The following PTPRN2 variants were observed in gnomAD, a reference collection of about 807,000 sequenced individuals.
PTPRN2 encodes the protein protein tyrosine phosphatase receptor type N2, also known as receptor-type tyrosine-protein phosphatase N2.
In PTPRN2, 74 loss-of-function variants were observed where a neutral mutation model predicts 118.8. The ratio of observed to expected loss-of-function variants is 0.62; its 90% confidence interval spans 0.52 to 0.76. The LOEUF is 0.76. Among genes scored for constraint, PTPRN2 ranks in the 30% least tolerant of loss-of-function variants. The pLI, the probability that PTPRN2 is intolerant of heterozygous loss-of-function variation, is 0.00. For missense variants in PTPRN2, 1,481 were observed against 1,394.4 expected (o/e 1.06, Z -0.99); for synonymous variants, 641 against 608.0 (o/e 1.05, Z -0.80).
Position 157,763,179 on chromosome 7 carries a change from C to A in PTPRN2, c.1789-80242G>T, listed in dbSNP as rs1240509469. ...GCCCATGGCTGCCCACTCACAGGCACAGAGTCCATCCCAGGCCACAGTGGG... is the reference window on the plus strand; with the variant it reads ...GCCCATGGCTGCCCACTCACAGGCAAAGAGTCCATCCCAGGCCACAGTGGG... On this transcript the variant is annotated intron_variant, in intron 12 of 22. Coordinates refer to ENST00000389418, the MANE Select transcript of PTPRN2 (RefSeq NM_002847.5). The surrounding 1 kb of genome is among the most constrained non-coding windows in gnomAD (Gnocchi z 4.9). Among the ~76,000 whole-genome samples, 1 of 152,252 alleles carries A rather than the reference C, an allele frequency of 6.6e-6. No individual in the cohort carries two copies. Among genetic ancestry groups the A allele is most frequent in the African/African-American group, 2.4e-5 (1 of 41,476 alleles).
intron 9 of PTPRN2, among the ~76,000 whole-genome samples, chr7:158,130,085 T>A (rs528033077): frequency 6.6e-6 from 1 of 152,352 alleles, no homozygotes; most frequent in South Asian, 2.1e-4. Context: ...TTGGCTTTGA[T>A]ACACACTCTG....
chr7:157,634,504 G>A (rs1040949381), intron 14 of PTPRN2, among the ~76,000 whole-genome samples: 2 of 152,142 alleles, frequency 1.3e-5, no homozygotes, highest in Non-Finnish European at 2.9e-5. Flanking sequence ...CTGGGACGCC[G>A]TGATGTGCTT....
In PTPRN2 at chr7:157,874,008, C is replaced by CGG. The variant is rs936884663; in HGVS notation, c.1788+24663_1788+24664dup. Among the ~76,000 whole-genome samples, 9 of 152,214 alleles carry CGG rather than the reference C, an allele frequency of 5.9e-5. No individual in the cohort carries two copies. Among genetic ancestry groups the CGG allele is most frequent in the Admixed American group, 4.6e-4 (7 of 15,288 alleles). On this transcript the variant is annotated intron_variant, in intron 12 of 22. Transcript: ENST00000389418. This position sits in a 1 kb window ranked among gnomAD's most constrained non-coding sequence, Gnocchi z 5.8. ...AAAGTCCCAGGACCCTGAGCAGCCT[C>CGG]GGGAAGAGCTCTCGGGACCTCGGGG...
intron 6 of PTPRN2, among the ~76,000 whole-genome samples, chr7:158,146,742 A>C (rs1178915642): frequency 2.0e-5 from 3 of 151,510 alleles, no homozygotes; most frequent in Non-Finnish European, 4.4e-5. Flanking sequence ...AAAAGAAAGA[A>C]AAAAGAAACA....
intron 12 of PTPRN2, among the ~76,000 whole-genome samples, chr7:157,873,105 C>T (rs765703332): frequency 7.9e-5 from 12 of 152,244 alleles, no homozygotes; most frequent in Non-Finnish European, 1.6e-4. Context: ...CCTAGGCTCT[C>T]GCTTCCATTT....
intron 12 of PTPRN2, among the ~76,000 whole-genome samples, chr7:157,693,181 G>A (rs1229092441): frequency 6.6e-6 from 1 of 152,048 alleles, no homozygotes; most frequent in East Asian, 1.9e-4. Flanking sequence ...CTCGGAGGAG[G>A]GGACCTGCTG....
intron 12 of PTPRN2, among the ~76,000 whole-genome samples, chr7:157,812,002 A>G (rs1478558624): frequency 6.6e-6 from 1 of 152,130 alleles, no homozygotes; most frequent in African/African-American, 2.4e-5. Flanking sequence ...GCTCAGTGAA[A>G]AAAGCCTCGC....
intron 11 of PTPRN2, among the ~76,000 whole-genome samples, chr7:158,047,655 G>C (rs1057195897): frequency 6.6e-6 from 1 of 152,258 alleles, no homozygotes; most frequent in Non-Finnish European, 1.5e-5. Flanking sequence ...GCTTGGGAGA[G>C]GAGGCACGGC....
At chr7:158,334,841 A>G (rs1405724792) in intron 2 of PTPRN2, among the ~76,000 whole-genome samples, 2 of 35,062 alleles carry the variant, frequency 5.7e-5, no homozygotes, top group African/African-American at 2.1e-4. Context: ...AAGAGGTGAC[A>G]CCTGCAGACG....
At chr7:157,675,452 A>G (rs956543797) in intron 13 of PTPRN2, among the ~76,000 whole-genome samples, 6 of 152,194 alleles carry the variant, frequency 3.9e-5, no homozygotes. Context: ...AACACCTTCC[A>G]TCAAGTGTCT....
intron 3 of PTPRN2, among the ~76,000 whole-genome samples, chr7:158,244,010 TCTA>T (rs1462862422): frequency 1.3e-5 from 2 of 152,186 alleles, no homozygotes; most frequent in Non-Finnish European, 2.9e-5. Flanking sequence ...AGCAACAGTC[TCTA>T]CTTAGTGCTG....
At chr7:157,693,421 G>A (rs1253432906) in intron 12 of PTPRN2, among the ~76,000 whole-genome samples, 1 of 152,080 alleles carries the variant, frequency 6.6e-6, no homozygotes, top group Non-Finnish European at 1.5e-5. Flanking sequence ...CCGCGCTGGC[G>A]ACGGGGTAGG....
rs1452343226 is a variant in PTPRN2 at position 158,407,168 on chromosome 7, CCTGCGTCCT to C, written c.163+82558_163+82566del. On this transcript the variant is annotated intron_variant, in intron 2 of 22. Transcript: ENST00000389418. ...GCGTCCTGGGTCCTGGGTCCTGGGT[CCTGCGTCCT>C]GCGTCCTGGGTCCTGGGTCCTGGGT... is the stretch of plus-strand genomic sequence containing the variant. Among the ~76,000 whole-genome samples the C allele has an allele frequency of 9.1e-4, 79 of 87,292 alleles. 1 individual carries two copies. Among genetic ancestry groups the C allele is most frequent in the Admixed American group, 1.4e-3 (9 of 6,520 alleles). The allele number at this position is 87,292 out of a possible 152,430, so 57.3% of individuals were successfully genotyped here.
At chr7:157,544,910 G>A (rs1798206784) in intron 22 of PTPRN2, among the ~76,000 whole-genome samples, 1 of 149,144 alleles carries the variant, frequency 6.7e-6, no homozygotes, top group Admixed American at 6.6e-5. Flanking sequence ...GTGGGTGTGT[G>A]CAGCAGTGCA....
At chr7:157,817,119 G>T (rs769725972) in intron 12 of PTPRN2, among the ~76,000 whole-genome samples, 11 of 152,152 alleles carry the variant, frequency 7.2e-5, no homozygotes, top group Non-Finnish European at 1.5e-4. Flanking sequence ...CGGGGGCGCC[G>T]CGGGTCCCTC....
At chr7:158,263,021 G>A (rs1175601209) in intron 3 of PTPRN2, among the ~76,000 whole-genome samples, 1 of 139,626 alleles carries the variant, frequency 7.2e-6, no homozygotes, top group Non-Finnish European at 1.5e-5. Context: ...CACACACAGT[G>A]CACACATACA....
At chr7:158,051,233 C>G (rs990597057) in intron 11 of PTPRN2, among the ~76,000 whole-genome samples, 24 of 151,652 alleles carry the variant, frequency 1.6e-4, no homozygotes, top group African/African-American at 5.4e-4. Flanking sequence ...CAGCCCAGCT[C>G]TGGACCAGCT....
chr7:158,187,335 A>T (rs1466588855), intron 5 of PTPRN2, among the ~76,000 whole-genome samples: 1 of 152,250 alleles, frequency 6.6e-6, no homozygotes, highest in Non-Finnish European at 1.5e-5. Context: ...TACATAGAAA[A>T]CAATGATTTA....
At chr7:158,309,129 G>A (rs1353731064) in intron 3 of PTPRN2, among the ~76,000 whole-genome samples, 1 of 152,220 alleles carries the variant, frequency 6.6e-6, no homozygotes, top group Non-Finnish European at 1.5e-5. Context: ...AACTTGATGT[G>A]ATGGTTAATA....
Sources: gnomAD v4.1 joint callset for allele counts (sites outside exome capture counted in the v4.1 genomes callset) on GRCh38, gnomAD v4.1.1 for gene constraint, Gnocchi (gnomAD v3.1) non-coding constraint, MANE v1.5 for transcripts, NCBI Gene and HGNC (gene_info 2026-07-23, HGNC 2026-07-21) for gene names.